The following EVPL variants were observed in gnomAD, a reference collection of about 807,000 sequenced individuals.
EVPL encodes the protein 210 kDa cornified envelope precursor protein.
Under a neutral mutation model 129.7 loss-of-function variants are expected in EVPL, and 94 were observed. The ratio of observed to expected loss-of-function variants is 0.72; its 90% confidence interval spans 0.61 to 0.86. The LOEUF (loss-of-function observed/expected upper bound fraction) is 0.86, where lower values mean the gene tolerates loss of function less well. EVPL is among the 40% of genes least tolerant of loss of function. The pLI is 0.00. For synonymous variants in EVPL, 1,172 were observed against 1,191.1 expected (o/e 0.98, Z 0.33); for missense variants, 2,625 against 2,721.1 (o/e 0.96, Z 0.79).
Position 76,009,824 on chromosome 17 carries a change from G to C in EVPL, c.3381C>G (p.Ile1127Met), listed in dbSNP as rs1363952686. The stretch of plus-strand genomic sequence containing the variant: ...CGATGACCTTGGGCTCCACCGAGCT[G>C]ATAGCCCGCTCCAGGTCTTCGATGC... ...QARIEDLERA[I>M]SSVEPKVIVK... The change falls in exon 22 of 22, where the codon ATC (isoleucine) becomes ATG (methionine). Residue 1127 changes from isoleucine (I) to methionine (M), a missense_variant. Ile to Met is a conservative substitution (Grantham distance 10). This residue lies in a region of EVPL where 1,453 missense variants were observed against 1,511.8 expected (regional missense o/e 0.96). Transcript: ENST00000301607. The surrounding 1 kb of genome is among the most constrained non-coding windows in gnomAD (Gnocchi z 5.9). 1 of 1,613,956 alleles carries C rather than the reference G, an allele frequency of 6.2e-7. No homozygotes were observed. The highest frequency in any genetic ancestry group is 1.7e-5 in the Admixed American group (1 of 60,028).
intron 2 of EVPL, among the ~76,000 whole-genome samples, 164 bp downstream of exon 2, chr17:76,023,857 G>T (rs2066480879): frequency 6.6e-6 from 1 of 152,236 alleles, no homozygotes; most frequent in African/African-American, 2.4e-5. Flanking sequence ...AGGAAGCTGA[G>T]CCCTCTCTCC....
At chr17:76,016,907 CCCCA>C in intron 14 of EVPL, among the ~76,000 whole-genome samples, 3 of 151,772 alleles carry the variant, frequency 2.0e-5, no homozygotes, top group East Asian at 3.9e-4. Flanking sequence ...CAAAGTGAGA[CCCCA>C]TCTCATAAAA....
Position 76,009,413 on chromosome 17 carries a change from G to A in EVPL, c.3792C>T (p.Pro1264=), listed in dbSNP as rs780250878. ...TQEVVRHERS[P]EVLREIDRLK... ...GGCGGTCGATCTCACGCAGCACCTCGGGGCTCCTCTCATGCCTCACCACCT... is the reference window on the plus strand; with the variant it reads ...GGCGGTCGATCTCACGCAGCACCTCAGGGCTCCTCTCATGCCTCACCACCT... The change falls in exon 22 of 22, where the codon CCC becomes CCT. Residue 1264 remains proline, a synonymous_variant. Coordinates refer to ENST00000301607, the MANE Select transcript of EVPL (RefSeq NM_001988.4). The surrounding 1 kb of genome is among the most constrained non-coding windows in gnomAD (Gnocchi z 5.9). 3.1e-6 allele frequency: 5 copies of A among 1,613,760 alleles called. No homozygotes were observed. The highest frequency in any genetic ancestry group is 2.5e-6 in the Non-Finnish European group (3 of 1,179,962).
chr17:76,011,570 G>A lies in EVPL; in HGVS notation c.2661+6C>T. 1 of 1,612,420 alleles carries A rather than the reference G, an allele frequency of 6.2e-7. No homozygotes were observed. The highest frequency in any genetic ancestry group is 8.5e-7 in the Non-Finnish European group (1 of 1,178,408). On this transcript the variant is annotated splice_donor_region_variant and intron_variant, in intron 21 of 21. Coordinates refer to ENST00000301607, the MANE Select transcript of EVPL (RefSeq NM_001988.4). ...TGTGGGAAAGCTGTAGGTGTTGTCT[G>A]TGTACCTTCTCCAGCATTTTTCTAG... is the stretch of plus-strand genomic sequence containing the variant.
In EVPL at chr17:76,008,695, C is replaced by A. The variant is rs755349309; in HGVS notation, c.4510G>T (p.Val1504Phe). The A allele has an allele frequency of 1.9e-6, 3 of 1,613,432 alleles. No individual in the cohort carries two copies. The highest frequency in any genetic ancestry group is 2.5e-6 in the Non-Finnish European group (3 of 1,180,022). ...GCTTTCTGGAGGACGTCAATCTGGA[C>A]CTGCAGGTTCTTGCACTCCCGATTC... ...ELNRECKNLQ[V>F]QIDVLQKAKS... Residue 1504 changes from valine (V) to phenylalanine (F), a missense_variant, in exon 22 of 22, where the codon GTC becomes TTC. Physicochemically the swap from Val to Phe is conservative, Grantham distance 50. Coordinates refer to ENST00000301607, the MANE Select transcript of EVPL (RefSeq NM_001988.4). This position sits in a 1 kb window ranked among gnomAD's most constrained non-coding sequence, Gnocchi z 7.4.
Position 76,008,861 on chromosome 17 carries a change from C to T in EVPL, c.4344G>A (p.Glu1448=). The part of the protein sequence containing the change: ...ELRQLTLRIQ[E]LEKRPPTVQE... ...GCACCGTGGGAGGCCGCTTCTCGAG[C>T]TCCTGGATCCTCAAGGTCAGCTGCC... Residue 1448 remains glutamate, a synonymous_variant, in exon 22 of 22, where the codon GAG becomes GAA. Transcript: ENST00000301607. This position sits in a 1 kb window ranked among gnomAD's most constrained non-coding sequence, Gnocchi z 7.4. The T allele has an allele frequency of 6.2e-7, 1 of 1,614,056 alleles. No homozygotes were observed. The highest frequency in any genetic ancestry group is 1.1e-5 in the South Asian group (1 of 91,082).
chr17:76,009,167 G>C lies in EVPL; in HGVS notation c.4038C>G (p.Ala1346=). Residue 1346 remains alanine (A), a synonymous_variant, in exon 22 of 22, where the codon GCC becomes GCG. Coordinates refer to ENST00000301607, the MANE Select transcript of EVPL (RefSeq NM_001988.4). The surrounding 1 kb of genome is among the most constrained non-coding windows in gnomAD (Gnocchi z 5.9). ...EVREAAQKRR[A]AEDAVYELQS... ...GCAGCTCGTACACCGCGTCCTCCGC[G>C]GCCCGCCTCTTCTGGGCCGCCTCCC... 6.2e-7 allele frequency: 1 copy of C among 1,607,702 alleles called. No homozygotes were observed. The highest frequency in any genetic ancestry group is 1.3e-5 in the African/African-American group (1 of 74,988).
At chr17:76,016,727 A>C (rs2066421385) in intron 14 of EVPL, among the ~76,000 whole-genome samples, 1 of 152,214 alleles carries the variant, frequency 6.6e-6, no homozygotes. Context: ...CAGCCTGGGC[A>C]ACATGGCAAA....
At chr17:76,012,381 G>C (rs911920308) in intron 18 of EVPL, 4 of 330,132 alleles carry the variant, frequency 1.2e-5, no homozygotes, top group Admixed American at 9.1e-5. Flanking sequence ...GCTCACAGCA[G>C]CCTCCTGGGT....
chr17:76,020,328 T>A lies in EVPL; in HGVS notation c.1012-675A>T, dbSNP rs183792955. 2.1e-3 allele frequency among the ~76,000 whole-genome samples: 327 copies of A among 152,266 alleles called. 1 individual carries two copies. The highest frequency in any genetic ancestry group is 7.5e-3 in the African/African-American group (310 of 41,506). ...ATTTGTGCACTGAACTTAATTTTTT[T>A]AAGTGGGTCATAAAACACTTGGTCT... On this transcript the variant is annotated intron_variant, in intron 9 of 21. Coordinates refer to ENST00000301607, the MANE Select transcript of EVPL (RefSeq NM_001988.4).
intron 14 of EVPL, among the ~76,000 whole-genome samples, chr17:76,017,515 G>C (rs2066425671): frequency 6.6e-6 from 1 of 152,158 alleles, no homozygotes; most frequent in South Asian, 2.1e-4. Flanking sequence ...ATCTGCTTCA[G>C]GGATGAGGAA....
chr17:76,012,304 TC>T (rs2066383675), intron 18 of EVPL: 1 of 463,284 alleles, frequency 2.2e-6, no homozygotes, highest in Non-Finnish European at 3.6e-6. Context: ...AGAATCCCTT[TC>T]TTTCCTTTTT....
At chr17:76,019,684 C>G (rs2066444311) in intron 9 of EVPL, 31 bp from the exon 10 acceptor site, 2 of 1,600,666 alleles carry the variant, frequency 1.2e-6, no homozygotes, top group Non-Finnish European at 1.7e-6. Flanking sequence ...AGGGCAGAGC[C>G]TCGTGCAACC....
At position 76,027,261 on chromosome 17, in the gene EVPL, G is replaced by T; in HGVS notation, c.-63C>A. 1 of 1,229,024 alleles carries T rather than the reference G, an allele frequency of 8.1e-7. No homozygotes were observed. Among genetic ancestry groups the T allele is most frequent in the Non-Finnish European group, 1.2e-6 (1 of 836,402 alleles). 76.1% of individuals were successfully genotyped at this position (1,229,024 alleles called of 1,614,324 possible). ...CTGGCGAAAGACGGCAGGAGGGCAG[G>T]TGGGAGGCAGCGGGCGTCCTCACTG... On this transcript the variant is annotated 5_prime_UTR_variant, in exon 1 of 22. Coordinates refer to ENST00000301607, the MANE Select transcript of EVPL (RefSeq NM_001988.4).
rs1173756723 is a variant in EVPL, at chr17:76,009,022, G to A, written c.4183C>T (p.Leu1395=). 1.2e-6 allele frequency: 2 copies of A among 1,613,064 alleles called. No homozygotes were observed. The highest frequency in any genetic ancestry group is 4.5e-5 in the East Asian group (2 of 44,862). The change falls in exon 22 of 22, where the codon CTG becomes TTG. Residue 1395 remains leucine, a synonymous_variant. Transcript: ENST00000301607. The surrounding 1 kb of genome is among the most constrained non-coding windows in gnomAD (Gnocchi z 5.9). The part of the protein sequence containing the change: ...REEHSRLSGS[L]DEEVGRRRQL... ...CGCCGCCGGCCCACCTCCTCATCCA[G>A]GCTCCCGCTCAGCCGGCTGTGCTCC...
Position 76,014,948 on chromosome 17 carries a change from G to A in EVPL, c.2190C>T (p.Arg730=). Residue 730 remains arginine (R), a synonymous_variant, in exon 17 of 22, where the codon CGC becomes CGT. Transcript: ENST00000301607. The part of the protein sequence containing the change: ...QQRQVRALTD[R]YHAVGDQLDL... ...CCAGCTGGTCCCCTACGGCGTGGTA[G>A]CGGTCGGTGAGGGCTCGCACCTGGC... 1 of 1,593,132 alleles carries A rather than the reference G, an allele frequency of 6.3e-7. No homozygotes were observed.
chr17:76,021,869 C>T lies in EVPL; in HGVS notation c.805G>A (p.Glu269Lys), dbSNP rs772658064. The stretch of plus-strand genomic sequence containing the variant: ...GGCCCCGACCTCTGCCAGCCGACCT[C>T]GTACTCCCGCCGCACGCCCGCAGGG... ...ADPAGVRREY[E>K]HFKQHELLSQ... is the part of the protein sequence containing the mutation. Residue 269 changes from glutamate (E) to lysine (K), a missense_variant and splice_region_variant, in exon 7 of 22, where the codon GAG (glutamate) becomes AAG (lysine). Transcript: ENST00000301607. The T allele has an allele frequency of 6.4e-7, 1 of 1,557,160 alleles. No individual in the cohort carries two copies.
intron 9 of EVPL, among the ~76,000 whole-genome samples, chr17:76,021,124 C>T (rs747448993): frequency 4.6e-5 from 7 of 152,124 alleles, no homozygotes; most frequent in Non-Finnish European, 1.0e-4. Flanking sequence ...GGACCAATCT[C>T]GGCCCACTGC....
chr17:76,007,117 G>A lies in EVPL; in HGVS notation c.6088C>T (p.Arg2030Cys), dbSNP rs371174460. ...CYRSASPTVP[R>C]SLR is the part of the protein sequence containing the mutation. Reference sequence around the variant, plus strand: ...CTTGGCCCGTGTCAGCGAAGGGAGCGCGGGACGGTGGGGGAGGCGGAGCGG... The same window carrying A: ...CTTGGCCCGTGTCAGCGAAGGGAGCACGGGACGGTGGGGGAGGCGGAGCGG... Residue 2030 changes from arginine to cysteine, a missense_variant, in exon 22 of 22, where the codon CGC becomes TGC. This residue lies in a region of EVPL where 1,453 missense variants were observed against 1,511.8 expected (regional missense o/e 0.96). Coordinates refer to ENST00000301607, the MANE Select transcript of EVPL (RefSeq NM_001988.4). The surrounding 1 kb of genome is among the most constrained non-coding windows in gnomAD (Gnocchi z 8.8). 1.6e-5 allele frequency: 23 copies of A among 1,481,848 alleles called. No individual in the cohort carries two copies. Among genetic ancestry groups the A allele is most frequent in the Middle Eastern group, 1.9e-4 (1 of 5,148 alleles). 91.8% of individuals were successfully genotyped at this position (1,481,848 alleles called of 1,614,324 possible).
Sources: allele counts gnomAD v4.1 joint callset (sites outside exome capture counted in the v4.1 genomes callset), GRCh38; gene constraint gnomAD v4.1.1; regional missense constraint gnomAD v4.1.1; non-coding constraint Gnocchi (gnomAD v3.1); transcripts MANE v1.5; gene names NCBI Gene and HGNC (gene_info 2026-07-23, HGNC 2026-07-21).